Variants in CERKL observed in about 807,000 individuals in gnomAD.
CERKL encodes the protein ceramide kinase-like protein.
CERKL carries 61 observed loss-of-function variants against 63.4 expected under a neutral mutation model. The observed-to-expected ratio is 0.96, with a 90% CI of 0.78 to 1.19. CERKL has a LOEUF of 1.19. Among genes scored for constraint, CERKL ranks in the 50% most tolerant of loss-of-function variants. CERKL has a pLI of 0.00. For synonymous variants in CERKL, 250 were observed against 230.5 expected (o/e 1.08, Z -0.77); for missense variants, 675 against 655.5 (o/e 1.03, Z -0.33).
At chr2:181,574,016 T>A in intron 2 of CERKL, 132 bp from the exon 3 acceptor site, 1 of 821,158 alleles carries the variant, frequency 1.2e-6, no homozygotes, top group Non-Finnish European at 1.9e-6. Flanking sequence ...TATTTGAAAT[T>A]CTTGCAAGAG....
chr2:181,551,507 AAC>A (rs1687986954), intron 5 of CERKL, among the ~76,000 whole-genome samples: 1 of 152,174 alleles, frequency 6.6e-6, no homozygotes, highest in Non-Finnish European at 1.5e-5. Context: ...AAAGGATACG[AAC>A]AGACACTTCT....
chr2:181,566,102 G>T lies in CERKL; in HGVS notation c.633C>A (p.His211Gln). The T allele has an allele frequency of 1.2e-6, 2 of 1,610,484 alleles. No homozygotes were observed. The highest frequency in any genetic ancestry group is 8.5e-7 in the Non-Finnish European group (1 of 1,177,276). Reference protein sequence around the residue: ...TDVTIMEYEGHALSLLKECEL... With the variant: ...TDVTIMEYEGQALSLLKECEL... ...CACATTCCTTAAGCAGTGACAGAGC[G>T]TGCCCTTCATATTCCATTACTATTA... Residue 211 changes from histidine to glutamine, a missense_variant, in exon 4 of 13, where the codon CAC (histidine) becomes CAA (glutamine). Coordinates refer to ENST00000410087, the MANE Select transcript of CERKL (RefSeq NM_201548.5).
At position 181,566,090 on chromosome 2, in the gene CERKL, C is replaced by A; in HGVS notation, c.645G>T (p.Leu215=). The A allele has an allele frequency of 1.2e-6, 2 of 1,610,710 alleles. No homozygotes were observed. Among genetic ancestry groups the A allele is most frequent in the Non-Finnish European group, 1.7e-6 (2 of 1,177,314 alleles). The change falls in exon 4 of 13, where the codon CTG becomes CTT. Residue 215 remains leucine (L), a synonymous_variant. Transcript: ENST00000410087. The stretch of plus-strand genomic sequence containing the variant: ...ATCCCTGGAGTTCACATTCCTTAAG[C>A]AGTGACAGAGCGTGCCCTTCATATT... ...IMEYEGHALS[L]LKECELQGFD...
Position 181,603,942 on chromosome 2 carries a change from A to T in CERKL, c.376T>A (p.Leu126Met), listed in dbSNP as rs750321408. 6.2e-7 allele frequency: 1 copy of T among 1,613,350 alleles called. No individual in the cohort carries two copies. The highest frequency in any genetic ancestry group is 8.5e-7 in the Non-Finnish European group (1 of 1,179,660). Reference sequence around the variant, plus strand: ...TTTAGTTTATTTTGTTCCTTTTTCAAGCAGATGAAGAGTGTGATACCTAAT... The same window carrying T: ...TTTAGTTTATTTTGTTCCTTTTTCATGCAGATGAAGAGTGTGATACCTAAT... ...TLLGITLFIC[L>M]KKEQNKLKNS... The change falls in exon 2 of 13, where the codon TTG becomes ATG. Residue 126 changes from leucine (L) to methionine (M), a missense_variant. Coordinates refer to ENST00000410087, the MANE Select transcript of CERKL (RefSeq NM_201548.5).
At chr2:181,634,923 A>G (rs1431411582) in intron 1 of CERKL, among the ~76,000 whole-genome samples, 1 of 152,196 alleles carries the variant, frequency 6.6e-6, no homozygotes, top group Non-Finnish European at 1.5e-5. Flanking sequence ...GGAACTAGCC[A>G]TATCACACAA....
intron 11 of CERKL, among the ~76,000 whole-genome samples, chr2:181,544,013 A>AC (rs1687621692): frequency 6.6e-6 from 1 of 151,874 alleles, no homozygotes; most frequent in Non-Finnish European, 1.5e-5. Context: ...AAGAAAAAGA[A>AC]AAAGTGTGAA....
intron 4 of CERKL, among the ~76,000 whole-genome samples, chr2:181,563,787 C>A (rs1323252131): frequency 6.8e-6 from 1 of 146,560 alleles, no homozygotes; most frequent in African/African-American, 2.8e-5. Flanking sequence ...TTATTCTCCT[C>A]ATATATCTCT....
chr2:181,653,183 G>T (rs1007385923), intron 1 of CERKL, among the ~76,000 whole-genome samples: 1 of 152,116 alleles, frequency 6.6e-6, no homozygotes, highest in Non-Finnish European at 1.5e-5. Flanking sequence ...AATCATCAGG[G>T]AAATGCAAAT....
Position 181,547,667 on chromosome 2 carries a change from T to G in CERKL, c.1219A>C (p.Ile407Leu), listed in dbSNP as rs747024040. 2.9e-5 allele frequency: 46 copies of G among 1,613,930 alleles called. No homozygotes were observed. Among genetic ancestry groups the G allele is most frequent in the Non-Finnish European group, 3.9e-5 (46 of 1,179,966 alleles). Reference sequence around the variant, plus strand: ...GGTGCCACTGAACACAGGCAAGGAATTGCCATAATGCTGACATTCAAGAAC... The same window carrying G: ...GGTGCCACTGAACACAGGCAAGGAAGTGCCATAATGCTGACATTCAAGAAC... ...GQFLNVSIMA[I>L]PCLCSVAPRG... Residue 407 changes from isoleucine (I) to leucine (L), a missense_variant, in exon 10 of 13, where the codon ATT becomes CTT. Coordinates refer to ENST00000410087, the MANE Select transcript of CERKL (RefSeq NM_201548.5).
intron 2 of CERKL, among the ~76,000 whole-genome samples, chr2:181,587,056 G>A (rs990323553): frequency 6.6e-6 from 1 of 152,102 alleles, no homozygotes; most frequent in African/African-American, 2.4e-5. Flanking sequence ...TAACAGTGAT[G>A]GTAAAAGCCT....
chr2:181,610,405 C>A (rs560013925), intron 1 of CERKL, among the ~76,000 whole-genome samples: 1 of 152,166 alleles, frequency 6.6e-6, no homozygotes, highest in Non-Finnish European at 1.5e-5. Flanking sequence ...ATGGTAATTG[C>A]TGGAGAACAA....
chr2:181,608,084 A>G lies in CERKL; in HGVS notation c.239-4005T>C, dbSNP rs187835569. Among the ~76,000 whole-genome samples, 26 of 152,230 alleles carry G rather than the reference A, an allele frequency of 1.7e-4. No homozygotes were observed. In the East Asian group the frequency reaches 4.6e-3, roughly 27 times the overall value. On this transcript the variant is annotated intron_variant, in intron 1 of 12. Transcript: ENST00000410087. ...CACAGGTGTGACTGTGGTGCACTAC[A>G]GCCCTGAACTCCTGGGCTCAAGTGA...
intron 1 of CERKL, among the ~76,000 whole-genome samples, chr2:181,626,745 A>G (rs1313193493): frequency 6.6e-6 from 1 of 152,222 alleles, no homozygotes; most frequent in Non-Finnish European, 1.5e-5. Context: ...TCCTTATACA[A>G]ATCAGAAGAG....
intron 1 of CERKL, among the ~76,000 whole-genome samples, chr2:181,625,533 C>T (rs946241090): frequency 1.7e-4 from 26 of 152,106 alleles, no homozygotes; most frequent in African/African-American, 6.0e-4. Flanking sequence ...AGCAAGTATA[C>T]CTCATTATCA....
chr2:181,549,256 TTA>T (rs1024301236), intron 6 of CERKL, among the ~76,000 whole-genome samples: 36 of 152,284 alleles, frequency 2.4e-4, no homozygotes, highest in African/African-American at 8.4e-4. Context: ...TTTTTTCTGG[TTA>T]TGTTTTTTCA....
chr2:181,592,001 G>T (rs1187076335), intron 2 of CERKL, among the ~76,000 whole-genome samples: 1 of 152,126 alleles, frequency 6.6e-6, no homozygotes, highest in South Asian at 2.1e-4. Flanking sequence ...CAAATTGATG[G>T]AAACAGGTTG....
At chr2:181,656,225 C>A in intron 1 of CERKL, among the ~76,000 whole-genome samples, 1 of 151,932 alleles carries the variant, frequency 6.6e-6, no homozygotes, top group East Asian at 1.9e-4. Flanking sequence ...TAGACAATGG[C>A]AAGGAAGGTG....
At position 181,537,623 on chromosome 2, in the gene CERKL, G is replaced by T; in HGVS notation, c.*561C>A. The stretch of plus-strand genomic sequence containing the variant: ...AGAATATAGGAAATTTAACATAATT[G>T]ATGAGCTCAAATCCTGAAAAATGAA... On this transcript the variant is annotated 3_prime_UTR_variant, in exon 13 of 13. Coordinates refer to ENST00000410087, the MANE Select transcript of CERKL (RefSeq NM_201548.5). The T allele has an allele frequency of 4.6e-6, 2 of 432,328 alleles. No homozygotes were observed. The highest frequency in any genetic ancestry group is 1.7e-5 in the South Asian group (1 of 59,316). The allele number at this position is 432,328 out of a possible 1,614,324, so 26.8% of individuals were successfully genotyped here.
chr2:181,538,524 A>AC (rs1330466748), intron 12 of CERKL, among the ~76,000 whole-genome samples: 1 of 152,038 alleles, frequency 6.6e-6, no homozygotes, highest in Non-Finnish European at 1.5e-5. Context: ...TCTAGTGGGC[A>AC]CCCCTGCATG....
Sources: gnomAD v4.1 joint callset for allele counts (sites outside exome capture counted in the v4.1 genomes callset) on GRCh38, gnomAD v4.1.1 for gene constraint, MANE v1.5 for transcripts, NCBI Gene and HGNC (gene_info 2026-07-23, HGNC 2026-07-21) for gene names.